KDM6A: variants seen among roughly 807,000 people sequenced by gnomAD.
KDM6A encodes lysine demethylase 6A.
Under a neutral mutation model 117.6 loss-of-function variants are expected in KDM6A, and 11 were observed. The ratio of observed to expected loss-of-function variants is 0.09; its 90% CI spans 0.06 to 0.15. The LOEUF (loss-of-function observed/expected upper bound fraction) is 0.15, where lower values mean the gene tolerates loss of function less well. KDM6A is among the 10% of genes least tolerant of loss of function. KDM6A has a pLI of 1.00. For missense variants in KDM6A, 799 were observed against 1,077.3 expected (o/e 0.74, Z 3.62); for synonymous variants, 384 against 396.1 (o/e 0.97, Z 0.36).
At chrX:45,107,650 T>C (rs1037354589) in intron 28 of KDM6A, 114 bp downstream of exon 28, 21 of 698,737 alleles carry the variant, frequency 3.0e-5, no homozygotes, top group Non-Finnish European at 2.3e-5. Flanking sequence ...CAGTTTATAG[T>C]AATTAACATT....
chrX:44,954,916 A>G (rs759167092), intron 2 of KDM6A, among the ~76,000 whole-genome samples: 21 of 111,084 alleles, frequency 1.9e-4, no homozygotes, highest in African/African-American at 6.5e-4. Context: ...AAAAAGAAAA[A>G]GGGGAATGGT....
At chrX:44,873,898 C>T in intron 1 of KDM6A, 26 bp from the exon 2 acceptor site, 1 of 1,204,474 alleles carries the variant, frequency 8.3e-7, no homozygotes, top group Non-Finnish European at 1.1e-6. Context: ...TGAGCGTTAA[C>T]GAGTAAACTG....
intron 21 of KDM6A, 75 bp downstream of exon 21, chrX:45,079,426 T>A: frequency 1.4e-6 from 1 of 694,966 alleles, no homozygotes; most frequent in Non-Finnish European, 2.3e-6. Context: ...AAGGACACAT[T>A]ACTTTTATAT....
intron 2 of KDM6A, among the ~76,000 whole-genome samples, chrX:44,892,675 G>C (rs2033467633): frequency 9.2e-6 from 1 of 109,119 alleles, no homozygotes; most frequent in Non-Finnish European, 1.9e-5. Flanking sequence ...CTGGGCGACT[G>C]AGCGAGACTC....
Position 45,062,633 on chromosome X carries a change from T to G in KDM6A, c.1582-14T>G, listed in dbSNP as rs752540909. 1.5e-4 allele frequency: 168 copies of G among 1,132,341 alleles called. No individual in the cohort carries two copies. The highest frequency in any genetic ancestry group is 2.0e-4 in the Non-Finnish European group (161 of 824,681). The allele number at this position is 1,132,341 out of a possible 1,213,427, so 93.3% of individuals were successfully genotyped here. On this transcript the variant is annotated splice_polypyrimidine_tract_variant and intron_variant, in intron 15 of 29. Transcript: ENST00000611820. ...TATATCTTTGACTATATTCTCTTTT[T>G]GTTCTTCTTCTAGCATTTGGAACAG...
At position 45,053,962 on chromosome X, in the gene KDM6A, C is replaced by T. The variant is rs759436259; in HGVS notation, c.875+7C>T. The T allele has an allele frequency of 8.3e-7, 1 of 1,205,990 alleles. No individual in the cohort carries two copies. The highest frequency in any genetic ancestry group is 1.8e-5 in the South Asian group (1 of 56,854). ...CCTGGTATTTCCTCGGAAGGTGAGA[C>T]TTACCAGACATTTATGTTTGATTTT... On this transcript the variant is annotated splice_region_variant and intron_variant, in intron 10 of 29. Coordinates refer to ENST00000611820, the MANE Select transcript of KDM6A (RefSeq NM_001291415.2).
intron 17 of KDM6A, among the ~76,000 whole-genome samples, chrX:45,065,044 A>C (rs1203977951): frequency 1.8e-5 from 2 of 112,129 alleles, no homozygotes; most frequent in African/African-American, 6.5e-5. Flanking sequence ...CTATGGAAAA[A>C]AGCACTAATA....
intron 21 of KDM6A, 132 bp downstream of exon 21, chrX:45,079,483 C>T (rs751220692): frequency 2.0e-6 from 1 of 492,693 alleles, no homozygotes; most frequent in Admixed American, 3.3e-5. Context: ...AAGTGTTCTC[C>T]AGTTGTCTCG....
Position 45,054,848 on chromosome X carries a change from T to A in KDM6A, c.875+893T>A, listed in dbSNP as rs969497848. ...AGATCAGTGGTCCTCAGGGGCAGGC[T>A]ATTTTGCCACTCTTGCCCCGGCCAA... On this transcript the variant is annotated intron_variant, in intron 10 of 29. Transcript: ENST00000611820. Among the ~76,000 whole-genome samples, 4 of 111,863 alleles carry A rather than the reference T, an allele frequency of 3.6e-5. No individual in the cohort carries two copies. The East Asian group carries it at 1.1e-3, about 31-fold the overall frequency.
chrX:44,959,648 T>C (rs2038561486), intron 2 of KDM6A, among the ~76,000 whole-genome samples: 1 of 111,540 alleles, frequency 9.0e-6, no homozygotes, highest in Non-Finnish European at 1.9e-5. Context: ...AAATTAAGAA[T>C]TGTAATGTAT....
chrX:44,999,020 C>T (rs2041005092), intron 4 of KDM6A, among the ~76,000 whole-genome samples: 2 of 111,755 alleles, frequency 1.8e-5, no homozygotes, highest in Middle Eastern at 4.6e-3. Flanking sequence ...AAGAGTCAAA[C>T]TCTGTAAAAC....
chrX:44,878,970 C>T (rs1391257603), intron 2 of KDM6A, among the ~76,000 whole-genome samples: 1 of 111,224 alleles, frequency 9.0e-6, no homozygotes, highest in Non-Finnish European at 1.9e-5. Context: ...GATCAGCCCA[C>T]CATGGCCTCC....
chrX:44,991,378 C>T (rs1162339166), intron 4 of KDM6A, among the ~76,000 whole-genome samples: 2 of 108,780 alleles, frequency 1.8e-5, no homozygotes, highest in African/African-American at 6.7e-5. Flanking sequence ...ACCTAATTTA[C>T]TCCATAATGC....
At chrX:44,896,230 C>G in intron 2 of KDM6A, among the ~76,000 whole-genome samples, 1 of 109,753 alleles carries the variant, frequency 9.1e-6, no homozygotes, top group Non-Finnish European at 1.9e-5. Context: ...CCTGCCACCA[C>G]GCCCAGCTAA....
At chrX:45,094,822 T>C (rs1490751884) in intron 27 of KDM6A, among the ~76,000 whole-genome samples, 1 of 111,676 alleles carries the variant, frequency 9.0e-6, no homozygotes, top group Non-Finnish European at 1.9e-5. Flanking sequence ...ACGATACAAC[T>C]GCTATATGTT....
intron 2 of KDM6A, among the ~76,000 whole-genome samples, chrX:44,882,321 A>G (rs1184121252): frequency 8.9e-6 from 1 of 111,856 alleles, no homozygotes; most frequent in South Asian, 3.6e-4. Context: ...CCCCTCACTC[A>G]TGTTATTTTG....
intron 18 of KDM6A, among the ~76,000 whole-genome samples, chrX:45,071,961 G>A (rs1431225678): frequency 9.0e-6 from 1 of 110,937 alleles, no homozygotes; most frequent in Non-Finnish European, 1.9e-5. Context: ...TTTTAGTAGA[G>A]ACGGGGTTTC....
At chrX:45,053,117 A>G in intron 9 of KDM6A, among the ~76,000 whole-genome samples, 1 of 111,610 alleles carries the variant, frequency 9.0e-6, no homozygotes, top group Non-Finnish European at 1.9e-5. Flanking sequence ...GGAAATAAAC[A>G]TTTTGTTAAT....
At chrX:44,927,897 G>A (rs1294790563) in intron 2 of KDM6A, among the ~76,000 whole-genome samples, 4 of 111,105 alleles carry the variant, frequency 3.6e-5, no homozygotes, top group Non-Finnish European at 7.5e-5. Context: ...AATAGTCCAG[G>A]CAAGTCTGTA....
Sources: allele counts gnomAD v4.1 joint callset (sites outside exome capture counted in the v4.1 genomes callset), GRCh38; gene constraint gnomAD v4.1.1; transcripts MANE v1.5; gene names NCBI Gene and HGNC (gene_info 2026-07-23, HGNC 2026-07-21).